FAF1: variants seen among roughly 807,000 people sequenced by gnomAD.
FAF1 encodes the protein FAS-associated factor 1.
In FAF1, 25 loss-of-function variants were observed where a neutral mutation model predicts 92.5. The observed-to-expected ratio is 0.27, with a 90% CI of 0.20 to 0.38. FAF1 has a LOEUF of 0.38. FAF1 is among the 10% of genes least tolerant of loss of function. The probability of loss-of-function intolerance (pLI) is 1.00; values close to 1 mark genes in which losing one functional copy is unlikely to be tolerated. For missense variants in FAF1, 636 were observed against 793.3 expected (o/e 0.80, Z 2.38); for synonymous variants, 234 against 273.2 (o/e 0.86, Z 1.42).
At chr1:50,534,560 C>A (rs573785304) in intron 15 of FAF1, among the ~76,000 whole-genome samples, 1 of 152,266 alleles carries the variant, frequency 6.6e-6, no homozygotes, top group South Asian at 2.1e-4. Context: ...AGGTGTGAGC[C>A]CCTGTGCCCA....
chr1:50,949,737 G>C (rs1645199002), intron 1 of FAF1, among the ~76,000 whole-genome samples: 2 of 152,158 alleles, frequency 1.3e-5, no homozygotes, highest in South Asian at 4.1e-4. Flanking sequence ...CCTAATCTAG[G>C]TCAGTTATCT....
At chr1:50,722,305 G>C (rs971390831) in intron 6 of FAF1, among the ~76,000 whole-genome samples, 2 of 152,112 alleles carry the variant, frequency 1.3e-5, no homozygotes, top group Admixed American at 1.3e-4. Context: ...CTGTGAGTTG[G>C]TTAAAAACTC....
intron 6 of FAF1, among the ~76,000 whole-genome samples, chr1:50,725,433 C>G (rs1373435649): frequency 6.6e-6 from 1 of 152,116 alleles, no homozygotes; most frequent in Non-Finnish European, 1.5e-5. Flanking sequence ...AATGGTTTTC[C>G]AAGGACAAAA....
At chr1:50,676,249 A>G (rs1482492960) in intron 7 of FAF1, among the ~76,000 whole-genome samples, 1 of 152,034 alleles carries the variant, frequency 6.6e-6, no homozygotes, top group Non-Finnish European at 1.5e-5. Context: ...TCTGCTAAAG[A>G]TAGAAAAATT....
At chr1:50,753,713 A>T (rs1326413033) in intron 4 of FAF1, among the ~76,000 whole-genome samples, 2 of 151,096 alleles carry the variant, frequency 1.3e-5, no homozygotes, top group African/African-American at 4.9e-5. Flanking sequence ...TTTTGAACAC[A>T]GGTAATACAG....
At chr1:50,453,046 T>C (rs769569120) in intron 18 of FAF1, among the ~76,000 whole-genome samples, 22 of 152,204 alleles carry the variant, frequency 1.4e-4, no homozygotes, top group Non-Finnish European at 2.4e-4. Context: ...AACAGGATAG[T>C]TCCCTTTTGC....
chr1:50,845,362 C>T, intron 2 of FAF1, among the ~76,000 whole-genome samples: 1 of 152,164 alleles, frequency 6.6e-6, no homozygotes, highest in Non-Finnish European at 1.5e-5. Flanking sequence ...CTTTCCATGG[C>T]CTTCTCAACA....
intron 8 of FAF1, among the ~76,000 whole-genome samples, chr1:50,605,446 A>C (rs1373605893): frequency 6.6e-6 from 1 of 152,230 alleles, no homozygotes; most frequent in Non-Finnish European, 1.5e-5. Context: ...GAGAATGGTC[A>C]ACTTTACCTA....
chr1:50,715,722 A>G (rs377053518), intron 6 of FAF1, among the ~76,000 whole-genome samples: 26 of 152,330 alleles, frequency 1.7e-4, no homozygotes, highest in African/African-American at 5.5e-4. Context: ...AGGAACAGAG[A>G]GGTTACCTGT....
At chr1:50,441,593 T>TG in intron 18 of FAF1, 70 bp from the exon 19 acceptor site, 2 of 817,026 alleles carry the variant, frequency 2.4e-6, no homozygotes, top group Middle Eastern at 4.6e-4. Context: ...GCCTTCATTT[T>TG]ATCTATGCAC....
intron 8 of FAF1, among the ~76,000 whole-genome samples, chr1:50,624,185 T>C (rs976012533): frequency 6.6e-6 from 1 of 152,080 alleles, no homozygotes; most frequent in Non-Finnish European, 1.5e-5. Flanking sequence ...TCTATCTCTG[T>C]CGCCCAGGCT....
At chr1:50,490,389 AAGG>A (rs1646817828) in intron 17 of FAF1, among the ~76,000 whole-genome samples, 196 bp downstream of exon 17, 4 of 6,704 alleles carry the variant, frequency 6.0e-4, no homozygotes, top group Admixed American at 1.9e-3. Flanking sequence ...CTCAAAAAGG[AAGG>A]AAGGAAGGAA....
chr1:50,715,631 T>C (rs781321749), intron 6 of FAF1, among the ~76,000 whole-genome samples: 21 of 152,192 alleles, frequency 1.4e-4, no homozygotes, highest in Non-Finnish European at 2.6e-4. Context: ...GTCTTAGGCT[T>C]CCAATGCTCT....
intron 12 of FAF1, among the ~76,000 whole-genome samples, chr1:50,579,395 TG>T (rs1650893056): frequency 6.6e-6 from 1 of 152,176 alleles, no homozygotes; most frequent in East Asian, 1.9e-4. Flanking sequence ...TGACATTTTC[TG>T]GTTACTTCAA....
chr1:50,921,899 G>A (rs959619176), intron 1 of FAF1, among the ~76,000 whole-genome samples: 3 of 152,162 alleles, frequency 2.0e-5, no homozygotes, highest in African/African-American at 7.2e-5. Context: ...AGACGTGATG[G>A]CTCACACCTG....
At chr1:50,885,324 A>ACACACACACACACACACACACACACACT (rs1644651416) in intron 1 of FAF1, among the ~76,000 whole-genome samples, 169 of 102,150 alleles carry the variant, frequency 1.7e-3, no homozygotes, top group African/African-American at 5.8e-3. Context: ...ACACACACAC[A>ACACACACACACACACACACACACACACT]CTCTCTCTCT....
At chr1:50,652,521 G>A (rs750198366) in intron 8 of FAF1, among the ~76,000 whole-genome samples, 10 of 152,176 alleles carry the variant, frequency 6.6e-5, no homozygotes, top group Non-Finnish European at 1.2e-4. Flanking sequence ...CCAACCCTGT[G>A]AAGCCCCACA....
chr1:50,770,675 G>T (rs1194215470), intron 4 of FAF1, among the ~76,000 whole-genome samples: 1 of 152,118 alleles, frequency 6.6e-6, no homozygotes, highest in African/African-American at 2.4e-5. Flanking sequence ...TGGCCATACT[G>T]CCCAGAGCAA....
At chr1:50,761,590 CAT>C (rs1320308569) in intron 4 of FAF1, among the ~76,000 whole-genome samples, 1 of 152,188 alleles carries the variant, frequency 6.6e-6, no homozygotes, top group African/African-American at 2.4e-5. Context: ...ACAAAAACCA[CAT>C]GATTATCTCA....
Sources: allele counts gnomAD v4.1 joint callset (sites outside exome capture counted in the v4.1 genomes callset), GRCh38; gene constraint gnomAD v4.1.1; transcripts MANE v1.5; gene names NCBI Gene and HGNC (gene_info 2026-07-23, HGNC 2026-07-21).